Variants in CNST observed in about 807,000 individuals in gnomAD.
CNST encodes consortin.
Under a neutral mutation model 72.4 loss-of-function variants are expected in CNST, and 39 were observed. The ratio of observed to expected loss-of-function variants is 0.54; its 90% CI spans 0.42 to 0.70. The LOEUF (loss-of-function observed/expected upper bound fraction) is 0.70, where lower values mean the gene tolerates loss of function less well. CNST is among the 30% of genes least tolerant of loss of function. The pLI is 0.00. For missense variants in CNST, 871 were observed against 868.5 expected (o/e 1.00, Z -0.04); for synonymous variants, 332 against 320.1 (o/e 1.04, Z -0.40).
rs35286882 is a variant in CNST at position 246,591,645 on chromosome 1, G to A, written c.83G>A (p.Ser28Asn). ...GCHPGDSVER[S>N]VTCLPSASDE... ...CATCCTGGTGACAGCGTGGAAAGGAGTGTGACCTGTCTGCCTTCTGCATCA... is the reference window on the plus strand; with the variant it reads ...CATCCTGGTGACAGCGTGGAAAGGAATGTGACCTGTCTGCCTTCTGCATCA... Residue 28 changes from serine (S) to asparagine (N), a missense_variant, in exon 2 of 11, where the codon AGT becomes AAT. Coordinates refer to ENST00000366513, the MANE Select transcript of CNST (RefSeq NM_152609.3). The A allele has an allele frequency of 4.1e-3, 6,659 of 1,614,202 alleles. 250 individuals carry two copies. In the African/African-American group the frequency reaches 0.077, roughly 19 times the overall value.
At chr1:246,645,783 G>T (rs554050439) in intron 8 of CNST, among the ~76,000 whole-genome samples, 1 of 152,198 alleles carries the variant, frequency 6.6e-6, no homozygotes, top group Non-Finnish European at 1.5e-5. Flanking sequence ...ATAAAGCGAG[G>T]ATAAGCAAGC....
At chr1:246,583,570 C>T (rs985777064) in intron 1 of CNST, among the ~76,000 whole-genome samples, 5 of 152,182 alleles carry the variant, frequency 3.3e-5, no homozygotes, top group Non-Finnish European at 7.3e-5. Context: ...TCTCTTGCCT[C>T]ATTGTATTTA....
intron 2 of CNST, among the ~76,000 whole-genome samples, chr1:246,593,578 G>A (rs531355352): frequency 1.3e-5 from 2 of 152,008 alleles, no homozygotes; most frequent in Non-Finnish European, 2.9e-5. Flanking sequence ...TCCTGACCTC[G>A]TGATCCGCCC....
intron 10 of CNST, among the ~76,000 whole-genome samples, chr1:246,663,692 A>T (rs181514894): frequency 6.6e-6 from 1 of 152,266 alleles, no homozygotes; most frequent in Admixed American, 6.5e-5. Context: ...GTGAGCCAAG[A>T]TCACACCATT....
intron 1 of CNST, among the ~76,000 whole-genome samples, chr1:246,575,632 G>A (rs987351100): frequency 1.3e-5 from 2 of 152,028 alleles, no homozygotes; most frequent in East Asian, 1.9e-4. Context: ...GGATCTTTTC[G>A]GGGTGATAAG....
At chr1:246,625,360 T>C (rs1306548770) in intron 3 of CNST, among the ~76,000 whole-genome samples, 2 of 151,810 alleles carry the variant, frequency 1.3e-5, no homozygotes, top group Non-Finnish European at 2.9e-5. Flanking sequence ...TTATGAACAG[T>C]CTAAGAATTC....
chr1:246,595,273 T>A (rs1342316582), intron 2 of CNST, among the ~76,000 whole-genome samples: 4 of 152,134 alleles, frequency 2.6e-5, no homozygotes, highest in African/African-American at 9.7e-5. Flanking sequence ...CTGGAAAGCT[T>A]CCCTCAGAGT....
chr1:246,660,971 GT>G (rs1452787402), intron 10 of CNST, among the ~76,000 whole-genome samples: 1 of 150,954 alleles, frequency 6.6e-6, no homozygotes. Context: ...GTCTTTTGTT[GT>G]TTTTTTGTTT....
Position 246,628,969 on chromosome 1 carries a change from C to A in CNST, c.586-2925C>A, listed in dbSNP as rs537438984. On this transcript the variant is annotated intron_variant, in intron 3 of 10. Transcript: ENST00000366513. ...ACTCAAAAACCATTTTAAGCACTTA[C>A]TGTAGTGTGCTGGGCATTATGCTAG... 2.3e-4 allele frequency among the ~76,000 whole-genome samples: 35 copies of A among 152,330 alleles called. 2 individuals are homozygous for A. The South Asian group carries it at 7.3e-3, about 32-fold the overall frequency.
chr1:246,647,297 A>T lies in CNST; in HGVS notation c.1096A>T (p.Ser366Cys), dbSNP rs753946956. The change falls in exon 9 of 11, where the codon AGC (serine) becomes TGC (cysteine). Residue 366 changes from serine (S) to cysteine (C), a missense_variant. Coordinates refer to ENST00000366513, the MANE Select transcript of CNST (RefSeq NM_152609.3). ...GGACCACATGGAGGAGCTGCTCTGC[A>T]GCGCTGAAGCCACGTTAGCGCTCCA... Reference protein sequence around the residue: ...GKDHMEELLCSAEATLALHTQ... With the variant: ...GKDHMEELLCCAEATLALHTQ... The T allele has an allele frequency of 2.5e-6, 4 of 1,614,050 alleles. No homozygotes were observed. In the Admixed American group the frequency reaches 6.7e-5, roughly 27 times the overall value.
chr1:246,633,296 A>C (rs1664896180), intron 4 of CNST, among the ~76,000 whole-genome samples: 2 of 151,880 alleles, frequency 1.3e-5, no homozygotes, highest in Non-Finnish European at 2.9e-5. Flanking sequence ...CAAAAATACA[A>C]AAAGGAGCCG....
rs1214044425 is a variant in CNST at position 246,666,878 on chromosome 1, T to C, written c.*973T>C. 1 of 152,244 alleles carries C rather than the reference T, an allele frequency of 6.6e-6. No individual in the cohort carries two copies. The highest frequency in any genetic ancestry group is 1.5e-5 in the Non-Finnish European group (1 of 68,040). The allele number at this position is 152,244 out of a possible 1,614,324, so 9.4% of individuals were successfully genotyped here. A position where few individuals can be genotyped will look rare whatever the true frequency, so the allele number is the denominator to read the frequency against. ...TCTTATATAGAATAAACCAGTACTTTGCTGAGTGAAATCACCATATAGAAT... is the reference window on the plus strand; with the variant it reads ...TCTTATATAGAATAAACCAGTACTTCGCTGAGTGAAATCACCATATAGAAT... On this transcript the variant is annotated 3_prime_UTR_variant, in exon 11 of 11. Coordinates refer to ENST00000366513, the MANE Select transcript of CNST (RefSeq NM_152609.3).
In CNST at chr1:246,621,369, A is replaced by G. The variant is rs530164942; in HGVS notation, c.380-60A>G. On this transcript the variant is annotated intron_variant, in intron 2 of 10. Transcript: ENST00000366513. Reference sequence around the variant, plus strand: ...GCATCAAACTATATGTAATTGTTTTAATGTGTTACACCATCATGGGAATTG... The same window carrying G: ...GCATCAAACTATATGTAATTGTTTTGATGTGTTACACCATCATGGGAATTG... 4.8e-5 allele frequency: 62 copies of G among 1,288,738 alleles called. No individual in the cohort carries two copies. The South Asian group carries it at 7.4e-4, about 15-fold the overall frequency. The allele number at this position is 1,288,738 out of a possible 1,614,324, so 79.8% of individuals were successfully genotyped here. A position where few individuals can be genotyped will look rare whatever the true frequency, so the allele number is the denominator to read the frequency against.
chr1:246,594,629 C>G (rs1002788514), intron 2 of CNST, among the ~76,000 whole-genome samples: 11 of 152,014 alleles, frequency 7.2e-5, no homozygotes, highest in African/African-American at 2.2e-4. Context: ...ATTAGCTGGG[C>G]CTGGTGGCAT....
chr1:246,652,795 G>A (rs1304980333), intron 9 of CNST, among the ~76,000 whole-genome samples: 1 of 151,366 alleles, frequency 6.6e-6, no homozygotes, highest in African/African-American at 2.4e-5. Context: ...ACGAGGTCAG[G>A]AGATCGAGAC....
chr1:246,602,180 A>T (rs921042294), intron 2 of CNST, among the ~76,000 whole-genome samples: 2 of 152,154 alleles, frequency 1.3e-5, no homozygotes, highest in Non-Finnish European at 2.9e-5. Context: ...AGAGGAAGGG[A>T]TCAACAAAAT....
chr1:246,609,525 C>T (rs889545819), intron 2 of CNST, among the ~76,000 whole-genome samples: 1 of 152,066 alleles, frequency 6.6e-6, no homozygotes, highest in Admixed American at 6.6e-5. Context: ...TGCAGTGAGC[C>T]GAGATCATGC....
At chr1:246,580,654 G>A (rs775143949) in intron 1 of CNST, among the ~76,000 whole-genome samples, 11 of 152,134 alleles carry the variant, frequency 7.2e-5, no homozygotes, top group Non-Finnish European at 1.3e-4. Context: ...CTTCTGTATT[G>A]CTGATGCTAA....
intron 2 of CNST, among the ~76,000 whole-genome samples, chr1:246,601,855 T>G (rs972863944): frequency 1.3e-5 from 2 of 152,208 alleles, no homozygotes; most frequent in Non-Finnish European, 2.9e-5. Context: ...ATAGTCTGCT[T>G]CTAGAACTGA....
Sources: allele counts gnomAD v4.1 joint callset (sites outside exome capture counted in the v4.1 genomes callset), GRCh38; gene constraint gnomAD v4.1.1; transcripts MANE v1.5; gene names NCBI Gene and HGNC (gene_info 2026-07-23, HGNC 2026-07-21).